Variants in SLC16A9 observed in about 807,000 individuals in gnomAD.
SLC16A9 encodes the protein solute carrier family 16 member 9.
In SLC16A9, 26 loss-of-function variants were observed where a neutral mutation model predicts 44.3. The observed-to-expected ratio is 0.59, with a 90% CI of 0.43 to 0.81. The LOEUF (loss-of-function observed/expected upper bound fraction) is 0.81, where lower values mean the gene tolerates loss of function less well. SLC16A9 is among the 40% of genes least tolerant of loss of function. SLC16A9 has a pLI of 0.00. For synonymous variants in SLC16A9, 230 were observed against 225.1 expected, an observed-to-expected ratio of 1.02 and a Z score of -0.19; for missense variants, 559 against 595.8, an observed-to-expected ratio of 0.94 and a Z score of 0.64.
In SLC16A9 at chr10:59,654,176, T is replaced by C. The variant is rs1052508290; in HGVS notation, c.850A>G (p.Lys284Glu). 1 of 1,614,084 alleles carries C rather than the reference T, an allele frequency of 6.2e-7. No individual in the cohort carries two copies. The highest frequency in any genetic ancestry group is 8.5e-7 in the Non-Finnish European group (1 of 1,180,002). Residue 284 changes from lysine to glutamate, a missense_variant, in exon 5 of 6, where the codon AAG becomes GAG. Transcript: ENST00000395348. ...EQTYFCKQLA[K>E]RKWQLYKNYC... is the part of the protein sequence containing the mutation. ...TTTTTATATAACTGCCACTTCCTCT[T>C]GGCAAGCTGTTTGCAAAAATATGTC...
Position 59,659,687 on chromosome 10 carries a change from C to G in SLC16A9, c.436+4540G>C, listed in dbSNP as rs559295554. Among the ~76,000 whole-genome samples the G allele has an allele frequency of 5.6e-4, 86 of 152,296 alleles. 1 individual carries two copies. The highest frequency in any genetic ancestry group is 1.2e-3 in the Admixed American group (18 of 15,298). On this transcript the variant is annotated intron_variant, in intron 4 of 5. Transcript: ENST00000395348. ...AACAGAACTCTACACCCCAAATCAA[C>G]AGAATATACATTCTTCTCAGCATCA...
In SLC16A9 at chr10:59,681,452, G is replaced by A. The variant is rs12771862; in HGVS notation, c.196+2644C>T. Among the ~76,000 whole-genome samples, 23 of 5,214 alleles carry A rather than the reference G, an allele frequency of 4.4e-3. 2 individuals are homozygous for A. The highest frequency in any genetic ancestry group is 0.038 in the South Asian group (1 of 26). 3.4% of individuals were successfully genotyped at this position (5,214 alleles called of 152,430 possible). On this transcript the variant is annotated intron_variant, in intron 2 of 5. Coordinates refer to ENST00000395348, the MANE Select transcript of SLC16A9 (RefSeq NM_194298.3). ...ATGTATATGATGTATATGTATATGT[G>A]TATGTGTATGTGTATGTATATGTAT... is the stretch of plus-strand genomic sequence containing the variant.
chr10:59,708,124 C>T (rs1443368056), intron 1 of SLC16A9, among the ~76,000 whole-genome samples: 3 of 152,064 alleles, frequency 2.0e-5, no homozygotes, highest in Non-Finnish European at 2.9e-5. Context: ...TTCCTACTTG[C>T]GAGGACTTTT....
chr10:59,695,075 T>G (rs1020437474), intron 1 of SLC16A9, among the ~76,000 whole-genome samples: 6 of 151,942 alleles, frequency 3.9e-5, no homozygotes, highest in African/African-American at 1.5e-4. Flanking sequence ...CATTGTATGA[T>G]TCCACTTATG....
intron 2 of SLC16A9, among the ~76,000 whole-genome samples, chr10:59,679,026 A>G (rs1036314721): frequency 1.3e-5 from 2 of 152,140 alleles, no homozygotes; most frequent in African/African-American, 4.8e-5. Flanking sequence ...CATTATATTA[A>G]CATGGTGATG....
chr10:59,686,911 G>A (rs375900616), intron 1 of SLC16A9, among the ~76,000 whole-genome samples: 1 of 152,122 alleles, frequency 6.6e-6, no homozygotes, highest in Non-Finnish European at 1.5e-5. Flanking sequence ...CCAGTGTCAG[G>A]CACATAGGCT....
intron 3 of SLC16A9, among the ~76,000 whole-genome samples, chr10:59,672,231 A>C (rs1839766603): frequency 1.3e-5 from 2 of 152,158 alleles, no homozygotes; most frequent in Non-Finnish European, 2.9e-5. Flanking sequence ...AACCAGCATC[A>C]TCCCACCACT....
At chr10:59,700,198 C>G (rs1259260222) in intron 1 of SLC16A9, among the ~76,000 whole-genome samples, 4 of 152,176 alleles carry the variant, frequency 2.6e-5, no homozygotes, top group Admixed American at 2.6e-4. Context: ...TGTTTCCTTT[C>G]TTTCCTTCTT....
rs756157160 is a variant in SLC16A9 at position 59,654,604 on chromosome 10, G to A, written c.437-15C>T. 1 of 1,549,582 alleles carries A rather than the reference G, an allele frequency of 6.5e-7. No individual in the cohort carries two copies. Among genetic ancestry groups the A allele is most frequent in the South Asian group, 1.2e-5 (1 of 81,810 alleles). ...AACGCTTGAACCTAAAAAGGGAATG[G>A]GAACTGTTCAACCTCGTAATCTGAG... On this transcript the variant is annotated splice_polypyrimidine_tract_variant and intron_variant, in intron 4 of 5. Coordinates refer to ENST00000395348, the MANE Select transcript of SLC16A9 (RefSeq NM_194298.3).
At position 59,652,544 on chromosome 10, in the gene SLC16A9, C is replaced by A; in HGVS notation, c.*228G>T. On this transcript the variant is annotated 3_prime_UTR_variant, in exon 6 of 6. Coordinates refer to ENST00000395348, the MANE Select transcript of SLC16A9 (RefSeq NM_194298.3). ...TGAATAACAGCAAAACAGAATAGTC[C>A]CATTGATGGTGTGGGGAGGAGAAAT... The A allele has an allele frequency of 1.8e-5, 7 of 389,640 alleles. No individual in the cohort carries two copies. Among genetic ancestry groups the A allele is most frequent in the South Asian group, 5.2e-5 (1 of 19,232 alleles). The allele number at this position is 389,640 out of a possible 1,614,324, so 24.1% of individuals were successfully genotyped here.
chr10:59,678,114 G>T (rs1839899807), intron 2 of SLC16A9, among the ~76,000 whole-genome samples: 1 of 142,536 alleles, frequency 7.0e-6, no homozygotes, highest in Non-Finnish European at 1.5e-5. Flanking sequence ...AAAAGTTTCA[G>T]AGAGTCCCAG....
chr10:59,658,739 G>A (rs1247549301), intron 4 of SLC16A9, among the ~76,000 whole-genome samples: 2 of 152,138 alleles, frequency 1.3e-5, no homozygotes, highest in African/African-American at 2.4e-5. Context: ...CACTGCCTTA[G>A]CCATGTCCTC....
At chr10:59,662,851 A>G (rs1384179903) in intron 4 of SLC16A9, among the ~76,000 whole-genome samples, 1 of 151,926 alleles carries the variant, frequency 6.6e-6, no homozygotes, top group Non-Finnish European at 1.5e-5. Flanking sequence ...TTACACTTCA[A>G]TCATTGTGGA....
At chr10:59,678,337 A>G (rs1184614896) in intron 2 of SLC16A9, among the ~76,000 whole-genome samples, 1 of 151,438 alleles carries the variant, frequency 6.6e-6, no homozygotes, top group Non-Finnish European at 1.5e-5. Context: ...AGGTTCCTCA[A>G]TCCTTGCTCC....
At chr10:59,655,663 T>C (rs1036403759) in intron 4 of SLC16A9, among the ~76,000 whole-genome samples, 6 of 152,206 alleles carry the variant, frequency 3.9e-5, no homozygotes, top group African/African-American at 1.4e-4. Flanking sequence ...CAAGTTATGG[T>C]AGCCTAATCA....
chr10:59,683,759 A>G (rs1055345376), intron 2 of SLC16A9, among the ~76,000 whole-genome samples: 1 of 152,180 alleles, frequency 6.6e-6, no homozygotes, highest in Non-Finnish European at 1.5e-5. Context: ...TTACTCATAT[A>G]TGTGTGTATC....
Position 59,654,198 on chromosome 10 carries a change from T to C in SLC16A9, c.828A>G (p.Thr276=), listed in dbSNP as rs769056554. 19 of 1,614,162 alleles carry C rather than the reference T, an allele frequency of 1.2e-5. No individual in the cohort carries two copies. The highest frequency in any genetic ancestry group is 1.3e-5 in the Non-Finnish European group (15 of 1,180,012). The change falls in exon 5 of 6, where the codon ACA becomes ACG. Residue 276 remains threonine (T), a synonymous_variant. Transcript: ENST00000395348. ...TCTTGGCAAGCTGTTTGCAAAAATA[T>C]GTCTGTTCTGCAACTTTCTTTTTGT... ...ETYKKKVAEQ[T]YFCKQLAKRK... is the part of the protein sequence containing the mutation.
chr10:59,659,257 G>T (rs1420140605), intron 4 of SLC16A9, among the ~76,000 whole-genome samples: 2 of 152,140 alleles, frequency 1.3e-5, no homozygotes, highest in Non-Finnish European at 2.9e-5. Flanking sequence ...TCAGTGAGAG[G>T]TATTGAGAAA....
intron 1 of SLC16A9, among the ~76,000 whole-genome samples, chr10:59,688,704 A>G (rs540754339): frequency 6.6e-6 from 1 of 151,740 alleles, no homozygotes; most frequent in African/African-American, 2.4e-5. Context: ...TAGATAGGAT[A>G]TGATAGAAAT....
Sources: allele counts gnomAD v4.1 joint callset (sites outside exome capture counted in the v4.1 genomes callset), GRCh38; gene constraint gnomAD v4.1.1; transcripts MANE v1.5; gene names NCBI Gene and HGNC (gene_info 2026-07-23, HGNC 2026-07-21).